LAMA1: variants seen among roughly 807,000 people sequenced by gnomAD.
LAMA1 encodes laminin subunit alpha 1, also known as laminin subunit alpha-1.
A neutral mutation model predicts 348.7 loss-of-function variants in LAMA1; 219 were observed. The observed-to-expected ratio is 0.63, with a 90% CI of 0.56 to 0.70. The LOEUF (loss-of-function observed/expected upper bound fraction) is 0.70, where lower values mean the gene tolerates loss of function less well. Ranked by LOEUF, LAMA1 falls within the 30% of genes least tolerant of loss-of-function variation. LAMA1 has a pLI of 0.00. For missense variants in LAMA1, 3,744 were observed against 3,888.0 expected (o/e 0.96, Z 0.99); for synonymous variants, 1,487 against 1,491.0 (o/e 1.00, Z 0.06).
chr18:6,957,612 A>T (rs2057585879), intron 55 of LAMA1, among the ~76,000 whole-genome samples: 1 of 152,158 alleles, frequency 6.6e-6, no homozygotes. Flanking sequence ...TGCCCAGGGC[A>T]CTTCCAGGTG....
At chr18:7,014,107 C>T in intron 22 of LAMA1, 56 bp from the exon 23 acceptor site, 1 of 1,307,314 alleles carries the variant, frequency 7.6e-7, no homozygotes, top group South Asian at 1.2e-5. Flanking sequence ...CTTCCAAATG[C>T]ACACATATTT....
chr18:7,061,639 G>A (rs1263635962), intron 3 of LAMA1, among the ~76,000 whole-genome samples: 2 of 152,204 alleles, frequency 1.3e-5, no homozygotes, highest in East Asian at 3.8e-4. Flanking sequence ...GGACAGTGGT[G>A]GCAATGAATG....
chr18:7,101,116 C>G (rs947568581), intron 1 of LAMA1, among the ~76,000 whole-genome samples: 4 of 152,112 alleles, frequency 2.6e-5, no homozygotes, highest in African/African-American at 9.7e-5. Flanking sequence ...GATTTCTGGG[C>G]ACAAATGAAA....
chr18:7,009,383 A>T lies in LAMA1; in HGVS notation c.3874-17T>A, dbSNP rs986219075. On this transcript the variant is annotated splice_polypyrimidine_tract_variant and intron_variant, in intron 26 of 62. Transcript: ENST00000389658. ...CCAAAAATTCTGTAGAATGAGAAAC[A>T]CATTCAATTAAGCTCAGAGGCCAAA... is the stretch of plus-strand genomic sequence containing the variant. 8.7e-6 allele frequency: 14 copies of T among 1,613,592 alleles called. No individual in the cohort carries two copies. In the African/African-American group the frequency reaches 1.7e-4, roughly 20 times the overall value.
chr18:6,992,631 T>TACC lies in LAMA1; in HGVS notation c.5095_5097dup (p.Gly1699dup), dbSNP rs745862777. ...ATCTGCATGATTTCTAGCAAAGATG[T>TACC]ACCATTCTGTTGCATGTTCTGAAGA... On this transcript the variant is annotated inframe_insertion, in exon 36 of 63. Transcript: ENST00000389658. The TACC allele has an allele frequency of 6.2e-7, 1 of 1,614,016 alleles. No individual in the cohort carries two copies. Among genetic ancestry groups the TACC allele is most frequent in the Admixed American group, 1.7e-5 (1 of 60,030 alleles).
chr18:7,100,864 G>T (rs2058288591), intron 1 of LAMA1, among the ~76,000 whole-genome samples: 1 of 152,072 alleles, frequency 6.6e-6, no homozygotes. Context: ...ACAACAATTA[G>T]CCAGGGGTGG....
rs563772973 is a variant in LAMA1 at position 6,975,973 on chromosome 18, G to A, written c.6453C>T (p.Pro2151=). The change falls in exon 45 of 63, where the codon CCC becomes CCT. Residue 2151 remains proline, a synonymous_variant. Coordinates refer to ENST00000389658, the MANE Select transcript of LAMA1 (RefSeq NM_005559.4). ...TLTLNVKTQE[P]DNLLFYLGSS... The stretch of plus-strand genomic sequence containing the variant: ...TACCGAGGTAGAAGAGAAGATTATC[G>A]GGTTCCTGTGTCTTAACATTTAGTG... 37 of 1,614,106 alleles carry A rather than the reference G, an allele frequency of 2.3e-5. 1 individual carries two copies. The highest frequency in any genetic ancestry group is 1.1e-4 in the South Asian group (10 of 91,076).
rs767040191 is a variant in LAMA1, at chr18:6,982,606, A to G, written c.5797-16T>C. The G allele has an allele frequency of 1.5e-5, 24 of 1,610,528 alleles. No individual in the cohort carries two copies. The highest frequency in any genetic ancestry group is 2.0e-5 in the Non-Finnish European group (23 of 1,176,896). Reference sequence around the variant, plus strand: ...ATTCTGAGAGCTGGAAAACAGAACCACTTAAGCGTGGTGAGAGCAGGGCAG... The same window carrying G: ...ATTCTGAGAGCTGGAAAACAGAACCGCTTAAGCGTGGTGAGAGCAGGGCAG... On this transcript the variant is annotated splice_polypyrimidine_tract_variant and intron_variant, in intron 40 of 62. Coordinates refer to ENST00000389658, the MANE Select transcript of LAMA1 (RefSeq NM_005559.4).
chr18:7,014,931 C>T (rs1420620566), intron 22 of LAMA1, among the ~76,000 whole-genome samples: 1 of 151,952 alleles, frequency 6.6e-6, no homozygotes, highest in African/African-American at 2.4e-5. Flanking sequence ...ACTGCAAGCT[C>T]CGCCTCCCGG....
At chr18:6,982,414 G>A in intron 41 of LAMA1, 83 bp downstream of exon 41, 3 of 1,098,164 alleles carry the variant, frequency 2.7e-6, no homozygotes. Context: ...GTTGCTGCAT[G>A]CAAGGAGAAC....
chr18:7,012,936 G>C (rs1267579705), intron 23 of LAMA1, among the ~76,000 whole-genome samples: 1 of 149,832 alleles, frequency 6.7e-6, no homozygotes, highest in Non-Finnish European at 1.5e-5. Context: ...GAGGCAGAGG[G>C]ATCACCTGAG....
chr18:6,997,639 C>T, intron 33 of LAMA1, 103 bp downstream of exon 33: 3 of 1,313,080 alleles, frequency 2.3e-6, no homozygotes, highest in Non-Finnish European at 3.3e-6. Flanking sequence ...AAGTTGGGCT[C>T]TCACAATGTG....
intron 1 of LAMA1, among the ~76,000 whole-genome samples, chr18:7,086,496 C>T (rs1039103112): frequency 3.3e-5 from 5 of 152,132 alleles, no homozygotes; most frequent in African/African-American, 1.2e-4. Flanking sequence ...GAACCCCAGG[C>T]GAATGTCTTT....
At chr18:6,949,372 T>A in intron 58 of LAMA1, 113 bp from the exon 59 acceptor site, 1 of 1,054,170 alleles carries the variant, frequency 9.5e-7, no homozygotes, top group South Asian at 1.3e-5. Flanking sequence ...ACAACCTGAA[T>A]GCAATGCTAA....
At chr18:6,943,063 A>G (rs1293324730) in intron 62 of LAMA1, 117 bp downstream of exon 62, 1 of 855,760 alleles carries the variant, frequency 1.2e-6, no homozygotes, top group Non-Finnish European at 1.9e-6. Context: ...AAAATGGTAA[A>G]GGATTTGTCA....
At position 6,997,826 on chromosome 18, in the gene LAMA1, G is replaced by A. The variant is rs370327276; in HGVS notation, c.4722C>T (p.Ala1574=). ...TGCCAGTGAGGTTCAGAGAAAGAAC[G>A]GCATCACCAATCTCATCCAAGTCAT... is the stretch of plus-strand genomic sequence containing the variant. ...LLNDLDEIGD[A]VLSLNLTGII... is the part of the protein sequence containing the mutation. Residue 1574 remains alanine (A), a synonymous_variant, in exon 33 of 63, where the codon GCC becomes GCT. Transcript: ENST00000389658. The A allele has an allele frequency of 1.2e-5, 19 of 1,613,846 alleles. No homozygotes were observed. The African/African-American group carries it at 1.6e-4, about 14-fold the overall frequency.
chr18:6,959,704 T>G, intron 53 of LAMA1: 1 of 571,250 alleles, frequency 1.8e-6, no homozygotes, highest in Non-Finnish European at 3.1e-6. Context: ...CTATTATTGC[T>G]GAAGATTTCA....
At chr18:6,955,297 C>T in intron 57 of LAMA1, 56 bp downstream of exon 57, 1 of 1,316,208 alleles carries the variant, frequency 7.6e-7, no homozygotes, top group Admixed American at 1.9e-5. Flanking sequence ...GGCTGCAGAA[C>T]ACCCCCATAC....
chr18:6,952,457 G>T (rs936470377), intron 57 of LAMA1, among the ~76,000 whole-genome samples: 1 of 152,126 alleles, frequency 6.6e-6, no homozygotes, highest in Non-Finnish European at 1.5e-5. Context: ...GTGTGTGCGG[G>T]GGAATGTGAC....
Sources: allele counts gnomAD v4.1 joint callset (sites outside exome capture counted in the v4.1 genomes callset), GRCh38; gene constraint gnomAD v4.1.1; transcripts MANE v1.5; gene names NCBI Gene and HGNC (gene_info 2026-07-23, HGNC 2026-07-21).